PCDH9: variants seen among roughly 807,000 people sequenced by gnomAD.
PCDH9 encodes protocadherin-9.
In PCDH9, 24 loss-of-function variants were observed where a neutral mutation model predicts 70.6. The ratio of observed to expected loss-of-function variants is 0.34; its 90% CI spans 0.25 to 0.48. The LOEUF (loss-of-function observed/expected upper bound fraction) is 0.48. Among genes scored for constraint, PCDH9 ranks in the 20% least tolerant of loss-of-function variants. The probability of loss-of-function intolerance (pLI) is 0.99; values close to 1 mark genes in which losing one functional copy is unlikely to be tolerated. For missense variants in PCDH9, 1,281 were observed against 1,503.6 expected, an observed-to-expected ratio of 0.85 and a Z score of 2.45; for synonymous variants, 562 against 558.5, an observed-to-expected ratio of 1.01 and a Z score of -0.09.
intron 2 of PCDH9, 65 bp downstream of exon 2, chr13:67,225,340 C>CG (rs1373105606): frequency 6.0e-6 from 9 of 1,507,454 alleles, no homozygotes; most frequent in Non-Finnish European, 8.3e-6. Flanking sequence ...CATACTGGCA[C>CG]GTTAATACTG....
At chr13:67,192,609 T>G (rs1400779699) in intron 2 of PCDH9, among the ~76,000 whole-genome samples, 2 of 152,140 alleles carry the variant, frequency 1.3e-5, no homozygotes, top group East Asian at 3.9e-4. Flanking sequence ...GTATTAGAAA[T>G]GTATTAGAAA....
chr13:66,735,776 C>A (rs1414903351), intron 3 of PCDH9, among the ~76,000 whole-genome samples: 1 of 151,978 alleles, frequency 6.6e-6, no homozygotes, highest in Non-Finnish European at 1.5e-5. Flanking sequence ...CCAGCCTGGC[C>A]AACATGGTGA....
chr13:66,682,331 C>T (rs921562931), intron 3 of PCDH9, among the ~76,000 whole-genome samples: 2 of 151,418 alleles, frequency 1.3e-5, no homozygotes, highest in African/African-American at 4.9e-5. Context: ...TGACCTATCG[C>T]TATGCCTGTA....
chr13:66,627,296 A>G (rs2077511962), intron 4 of PCDH9, among the ~76,000 whole-genome samples: 1 of 152,206 alleles, frequency 6.6e-6, no homozygotes, highest in African/African-American at 2.4e-5. Flanking sequence ...CACTGAATTC[A>G]AAGGGGACAA....
At chr13:67,091,177 A>G (rs2086210780) in intron 2 of PCDH9, among the ~76,000 whole-genome samples, 1 of 152,130 alleles carries the variant, frequency 6.6e-6, no homozygotes, top group Non-Finnish European at 1.5e-5. Context: ...TCAAGTATTA[A>G]TTTAAATGAG....
At chr13:66,967,255 T>C (rs184285640) in intron 2 of PCDH9, among the ~76,000 whole-genome samples, 177 of 152,194 alleles carry the variant, frequency 1.2e-3, no homozygotes, top group Middle Eastern at 3.4e-3. Flanking sequence ...TGTATGCTCA[T>C]TAATTGACAG....
rs967216188 is a variant in PCDH9, at chr13:66,550,448, C to G, written c.3340+80762G>C. On this transcript the variant is annotated intron_variant, in intron 4 of 4. Coordinates refer to ENST00000377865, the MANE Select transcript of PCDH9 (RefSeq NM_203487.3). ...TATGTTATGGTTGGTTATGTGGACA[C>G]CCTGATATATTTTTCAGCCTGCTTT... Among the ~76,000 whole-genome samples, 9 of 152,094 alleles carry G rather than the reference C, an allele frequency of 5.9e-5. No individual in the cohort carries two copies. The East Asian group carries it at 1.7e-3, about 29-fold the overall frequency.
chr13:66,897,427 A>T (rs557536319), intron 3 of PCDH9, among the ~76,000 whole-genome samples: 2 of 152,180 alleles, frequency 1.3e-5, no homozygotes, highest in African/African-American at 2.4e-5. Context: ...TACCCTATCC[A>T]TGTTTACTTG....
At chr13:66,334,542 C>CTCCT (rs1477938371) in intron 4 of PCDH9, among the ~76,000 whole-genome samples, 3 of 152,016 alleles carry the variant, frequency 2.0e-5, no homozygotes, top group African/African-American at 4.8e-5. Context: ...CCAGCCTGCC[C>CTCCT]TCCTTCCATA....
chr13:67,043,361 A>T (rs1339627642), intron 2 of PCDH9, among the ~76,000 whole-genome samples: 3 of 152,178 alleles, frequency 2.0e-5, no homozygotes, highest in Non-Finnish European at 2.9e-5. Flanking sequence ...CGAGGATTGT[A>T]TAAATTTAAG....
At chr13:66,964,663 A>AT (rs931032518) in intron 2 of PCDH9, among the ~76,000 whole-genome samples, 6 of 151,582 alleles carry the variant, frequency 4.0e-5, no homozygotes, top group South Asian at 2.1e-4. Flanking sequence ...TAATTAAGGA[A>AT]TTTTTTTTTA....
chr13:66,350,725 AC>A lies in PCDH9; in HGVS notation c.3341-45698del, dbSNP rs1431420626. Among the ~76,000 whole-genome samples the A allele has an allele frequency of 3.9e-5, 6 of 152,222 alleles. No individual in the cohort carries two copies. In the East Asian group the frequency reaches 9.6e-4, roughly 24 times the overall value. On this transcript the variant is annotated intron_variant, in intron 4 of 4. Coordinates refer to ENST00000377865, the MANE Select transcript of PCDH9 (RefSeq NM_203487.3). ...ACTTCTCATCACTTCCACTCCTAGC[AC>A]CCTTGTCCAAGTAGCTATCATTTCC...
intron 3 of PCDH9, among the ~76,000 whole-genome samples, chr13:66,845,426 G>C (rs1306647944): frequency 6.6e-6 from 1 of 152,256 alleles, no homozygotes; most frequent in African/African-American, 2.4e-5. Context: ...GAAGCAGGGA[G>C]AGGCTAAGCA....
chr13:66,771,800 C>T (rs940114844), intron 3 of PCDH9, among the ~76,000 whole-genome samples: 29 of 152,150 alleles, frequency 1.9e-4, no homozygotes, highest in African/African-American at 7.0e-4. Flanking sequence ...ATAAAATTTT[C>T]CCCATGGAAT....
chr13:66,807,089 A>C (rs1163052737), intron 3 of PCDH9, among the ~76,000 whole-genome samples: 1 of 152,206 alleles, frequency 6.6e-6, no homozygotes, highest in Non-Finnish European at 1.5e-5. Context: ...ATTGAATGCC[A>C]GATTTACAGT....
At chr13:66,371,977 G>C (rs1266330020) in intron 4 of PCDH9, among the ~76,000 whole-genome samples, 1 of 151,894 alleles carries the variant, frequency 6.6e-6, no homozygotes, top group Non-Finnish European at 1.5e-5. Context: ...TTTTTTCTCT[G>C]CTTAGCAAAT....
intron 3 of PCDH9, among the ~76,000 whole-genome samples, chr13:66,744,798 A>G (rs1454378640): frequency 6.6e-6 from 1 of 152,186 alleles, no homozygotes; most frequent in African/African-American, 2.4e-5. Flanking sequence ...CCACTGACAT[A>G]TTGACTTTCA....
chr13:66,944,880 C>T (rs1402399119), intron 2 of PCDH9, among the ~76,000 whole-genome samples: 1 of 150,162 alleles, frequency 6.7e-6, no homozygotes, highest in Non-Finnish European at 1.5e-5. Context: ...CCCTCCCACA[C>T]TCCAATTTAA....
chr13:66,668,540 A>G (rs2078127571), intron 3 of PCDH9, among the ~76,000 whole-genome samples: 1 of 152,120 alleles, frequency 6.6e-6, no homozygotes, highest in Admixed American at 6.6e-5. Context: ...CTCGTTCTTC[A>G]TTCATTCACT....
Sources: allele counts gnomAD v4.1 joint callset (sites outside exome capture counted in the v4.1 genomes callset), GRCh38; gene constraint gnomAD v4.1.1; transcripts MANE v1.5; gene names NCBI Gene and HGNC (gene_info 2026-07-23, HGNC 2026-07-21).